Variants in ACER3 observed in about 807,000 individuals in gnomAD.
ACER3 encodes alkCDase 3.
ACER3 carries 16 observed loss-of-function variants against 48.9 expected under a neutral mutation model. The ratio of observed to expected loss-of-function variants is 0.33; its 90% CI spans 0.22 to 0.50. The LOEUF (loss-of-function observed/expected upper bound fraction) is 0.50. Ranked by LOEUF, ACER3 falls within the 20% of genes least tolerant of loss-of-function variation. The pLI is 0.98. For synonymous variants in ACER3, 109 were observed against 107.8 expected (o/e 1.01, Z -0.07); for missense variants, 227 against 326.0 (o/e 0.70, Z 2.34).
intron 1 of ACER3, among the ~76,000 whole-genome samples, chr11:76,896,115 A>G (rs187931654): frequency 1.3e-5 from 2 of 152,324 alleles, no homozygotes; most frequent in African/African-American, 2.4e-5. Context: ...ATTTTAAACT[A>G]ATTTTTAATT....
chr11:76,988,213 T>C (rs901462808), intron 5 of ACER3, among the ~76,000 whole-genome samples: 1 of 152,106 alleles, frequency 6.6e-6, no homozygotes, highest in African/African-American at 2.4e-5. Context: ...CAGTAGTGAA[T>C]TGATGGAGGC....
intron 1 of ACER3, among the ~76,000 whole-genome samples, chr11:76,914,094 C>A (rs1020267716): frequency 5.3e-5 from 8 of 152,148 alleles, no homozygotes; most frequent in African/African-American, 1.9e-4. Context: ...ACCATAAAAA[C>A]CCTGGAAGAA....
intron 7 of ACER3, among the ~76,000 whole-genome samples, chr11:77,000,910 A>G (rs1949019914): frequency 6.6e-6 from 1 of 152,148 alleles, no homozygotes; most frequent in Non-Finnish European, 1.5e-5. Context: ...GCCTTTCCAT[A>G]TAAAGTTTAG....
chr11:76,938,970 T>TTAAAAAAAA (rs76949433), intron 2 of ACER3, among the ~76,000 whole-genome samples: 1 of 143,316 alleles, frequency 7.0e-6, no homozygotes, highest in Non-Finnish European at 1.5e-5. Context: ...AAGAAAGTGC[T>TTAAAAAAAA]AAAAAAAATG....
At position 77,022,014 on chromosome 11, in the gene ACER3, TA is replaced by T. The variant is rs1394543437; in HGVS notation, c.*1688del. On this transcript the variant is annotated 3_prime_UTR_variant, in exon 11 of 11. Transcript: ENST00000532485. ...CATTTGAAGGCACAGCCCATAAGAC[TA>T]TACTTGATTTTGCCCCAAGATTCTG... is the stretch of plus-strand genomic sequence containing the variant. 3 of 152,224 alleles carry T rather than the reference TA, an allele frequency of 2.0e-5. No homozygotes were observed. Among genetic ancestry groups the T allele is most frequent in the African/African-American group, 7.2e-5 (3 of 41,442 alleles). 9.4% of individuals were successfully genotyped at this position (152,224 alleles called of 1,614,324 possible).
At chr11:76,953,144 A>G (rs1206992072) in intron 2 of ACER3, among the ~76,000 whole-genome samples, 2 of 152,190 alleles carry the variant, frequency 1.3e-5, no homozygotes, top group Non-Finnish European at 2.9e-5. Flanking sequence ...GCTGTGACTG[A>G]ACTACAAGCT....
intron 7 of ACER3, chr11:77,011,401 A>C (rs1949261322): frequency 1.0e-6 from 1 of 984,286 alleles, no homozygotes; most frequent in Non-Finnish European, 1.2e-6. Context: ...AGCAGAAAAC[A>C]GATAGCACCC....
chr11:76,888,236 T>C (rs983676306), intron 1 of ACER3, among the ~76,000 whole-genome samples: 4 of 152,200 alleles, frequency 2.6e-5, no homozygotes, highest in Non-Finnish European at 5.9e-5. Flanking sequence ...AATCAATAAA[T>C]AAATGATTTG....
intron 1 of ACER3, among the ~76,000 whole-genome samples, chr11:76,920,597 A>G (rs1946660136): frequency 6.6e-6 from 1 of 150,534 alleles, no homozygotes; most frequent in Non-Finnish European, 1.5e-5. Flanking sequence ...TCTCTATTCA[A>G]ATTACTCTGG....
chr11:77,004,378 T>A (rs1254028632), intron 7 of ACER3, among the ~76,000 whole-genome samples: 1 of 152,246 alleles, frequency 6.6e-6, no homozygotes, highest in African/African-American at 2.4e-5. Flanking sequence ...GAGCCAGTCC[T>A]TTCTTTGAAA....
intron 1 of ACER3, among the ~76,000 whole-genome samples, chr11:76,871,180 A>G (rs1945232925): frequency 6.6e-6 from 1 of 152,218 alleles, no homozygotes; most frequent in Non-Finnish European, 1.5e-5. Context: ...TACTTTTGCA[A>G]TTAGCTTTTT....
intron 2 of ACER3, among the ~76,000 whole-genome samples, chr11:76,929,698 A>G (rs933067887): frequency 1.8e-4 from 27 of 152,346 alleles, no homozygotes; most frequent in Admixed American, 5.2e-4. Flanking sequence ...AATTTCGTCA[A>G]AGGCCTTTGC....
intron 2 of ACER3, among the ~76,000 whole-genome samples, chr11:76,948,231 G>A (rs958355165): frequency 3.3e-4 from 50 of 150,412 alleles, no homozygotes; most frequent in African/African-American, 9.5e-4. Context: ...GTGTGTGTGT[G>A]TGTGTGTGTG....
chr11:76,868,403 G>GTT (rs1483509625), intron 1 of ACER3: 2 of 518,890 alleles, frequency 3.9e-6, no homozygotes, highest in Admixed American at 7.6e-5. Flanking sequence ...GTGTGTGTGT[G>GTT]TGTGTGTGTG....
chr11:76,883,082 T>TC (rs1430870909), intron 1 of ACER3, among the ~76,000 whole-genome samples: 4 of 152,242 alleles, frequency 2.6e-5, no homozygotes, highest in African/African-American at 4.8e-5. Context: ...GCTGCACTTA[T>TC]CCCAAGGCTA....
intron 1 of ACER3, among the ~76,000 whole-genome samples, chr11:76,883,411 C>T (rs767906434): frequency 3.6e-5 from 5 of 139,082 alleles, no homozygotes; most frequent in Non-Finnish European, 6.3e-5. Flanking sequence ...GTCATTTTGG[C>T]GTTGCTTCTT....
At chr11:76,977,552 A>T (rs577995285) in intron 4 of ACER3, among the ~76,000 whole-genome samples, 1 of 152,318 alleles carries the variant, frequency 6.6e-6, no homozygotes, top group East Asian at 1.9e-4. Flanking sequence ...TGTTAAGAAT[A>T]TGTGTTTGGA....
intron 3 of ACER3, among the ~76,000 whole-genome samples, chr11:76,964,844 A>G (rs1356453674): frequency 6.6e-6 from 1 of 151,340 alleles, no homozygotes; most frequent in Admixed American, 6.6e-5. Context: ...AAAGGTAGAT[A>G]AAACCATGAA....
At position 76,981,905 on chromosome 11, in the gene ACER3, G is replaced by T. The variant is rs2135182184; in HGVS notation, c.321-3738G>T. On this transcript the variant is annotated intron_variant, in intron 4 of 10. Coordinates refer to ENST00000532485, the MANE Select transcript of ACER3 (RefSeq NM_018367.7). The stretch of plus-strand genomic sequence containing the variant: ...TCTCTTGGGTATATACCTAGAAGTG[G>T]AATTTCTATGTTGTATGGTAAGTAT... 2.0e-5 allele frequency among the ~76,000 whole-genome samples: 3 copies of T among 152,254 alleles called. No homozygotes were observed. In the South Asian group the frequency reaches 6.2e-4, roughly 32 times the overall value.
Sources: allele counts gnomAD v4.1 joint callset (sites outside exome capture counted in the v4.1 genomes callset), GRCh38; gene constraint gnomAD v4.1.1; transcripts MANE v1.5; gene names NCBI Gene and HGNC (gene_info 2026-07-23, HGNC 2026-07-21).